Variants in CSMD1 observed in about 807,000 individuals in gnomAD.
CSMD1 encodes CUB and sushi domain-containing protein 1.
CSMD1 carries 213 observed loss-of-function variants against 417.5 expected under a neutral mutation model. That is an observed-to-expected ratio of 0.51 (90% CI 0.46 to 0.57). The LOEUF (loss-of-function observed/expected upper bound fraction) is 0.57. CSMD1 is among the 20% of genes least tolerant of loss of function. CSMD1 has a pLI of 0.00. For missense variants in CSMD1, 6,923 were observed against 4,529.7 expected (o/e 1.53, Z -15.17); for synonymous variants, 2,862 against 1,736.8 (o/e 1.65, Z -16.11).
At chr8:3,651,113 C>G (rs902792470) in intron 7 of CSMD1, among the ~76,000 whole-genome samples, 1 of 152,200 alleles carries the variant, frequency 6.6e-6, no homozygotes, top group Non-Finnish European at 1.5e-5. Context: ...CACCATCTGT[C>G]AGTATCTTGT....
chr8:3,499,341 G>C (rs1037529060), intron 10 of CSMD1, among the ~76,000 whole-genome samples: 5 of 152,220 alleles, frequency 3.3e-5, no homozygotes, highest in East Asian at 1.9e-4. Context: ...AATGCAGATG[G>C]AGACTTTGGG....
At chr8:4,573,518 G>A (rs1336145003) in intron 2 of CSMD1, among the ~76,000 whole-genome samples, 1 of 152,148 alleles carries the variant, frequency 6.6e-6, no homozygotes, top group Non-Finnish European at 1.5e-5. Context: ...GGGCACCTGA[G>A]AGATGCCATC....
intron 1 of CSMD1, among the ~76,000 whole-genome samples, chr8:4,981,672 G>A (rs983273105): frequency 6.6e-6 from 1 of 152,302 alleles, no homozygotes; most frequent in African/African-American, 2.4e-5. Flanking sequence ...CTAGAAGAGT[G>A]TGTGGTGAAC....
chr8:3,409,623 A>T lies in CSMD1; in HGVS notation c.1562-18T>A. On this transcript the variant is annotated intron_variant, in intron 12 of 69. Transcript: ENST00000635120. ...TTCAATTTCTGAAAATGGAAAAACA[A>T]ATGAACCCTTAAAAAAACACACACA... 6.5e-7 allele frequency: 1 copy of T among 1,546,682 alleles called. No individual in the cohort carries two copies.
intron 3 of CSMD1, among the ~76,000 whole-genome samples, chr8:4,091,116 A>G (rs956786590): frequency 6.6e-6 from 1 of 151,922 alleles, no homozygotes; most frequent in Non-Finnish European, 1.5e-5. Context: ...ATGGGGTTTC[A>G]CCATTTTGGC....
chr8:3,611,760 T>G (rs1161652899), intron 8 of CSMD1, among the ~76,000 whole-genome samples: 1 of 152,086 alleles, frequency 6.6e-6, no homozygotes, highest in East Asian at 1.9e-4. Context: ...GTATAAATAT[T>G]TGAAAGAACT....
Position 3,174,377 on chromosome 8 carries a change from C to T in CSMD1, c.5725+6733G>A, listed in dbSNP as rs11987884. On this transcript the variant is annotated intron_variant, in intron 37 of 69. Coordinates refer to ENST00000635120, the MANE Select transcript of CSMD1 (RefSeq NM_033225.6). ...GGGTGTGGTGGCATTTGCCTTCAGT[C>T]CCAGCTACTCCAAAGGCTGAGGTGG... 3.1e-3 allele frequency among the ~76,000 whole-genome samples: 472 copies of T among 152,222 alleles called. 3 individuals carry two copies. The highest frequency in any genetic ancestry group is 9.4e-3 in the African/African-American group (392 of 41,526).
chr8:3,650,849 C>T (rs895427383), intron 7 of CSMD1, among the ~76,000 whole-genome samples: 3 of 152,180 alleles, frequency 2.0e-5, no homozygotes, highest in Non-Finnish European at 2.9e-5. Context: ...CCTGACATCT[C>T]CCCTGTATGT....
intron 1 of CSMD1, among the ~76,000 whole-genome samples, chr8:4,727,954 GTA>G (rs986604068): frequency 1.8e-4 from 12 of 67,322 alleles, no homozygotes; most frequent in Admixed American, 6.9e-4. Flanking sequence ...ATATATATAT[GTA>G]TATATATACA....
At chr8:4,968,038 C>A (rs1809995611) in intron 1 of CSMD1, among the ~76,000 whole-genome samples, 1 of 151,926 alleles carries the variant, frequency 6.6e-6, no homozygotes, top group African/African-American at 2.4e-5. Flanking sequence ...ACAAATAAAC[C>A]AAGCCAGCCA....
chr8:4,089,996 T>C (rs1035127026), intron 3 of CSMD1, among the ~76,000 whole-genome samples: 1 of 152,206 alleles, frequency 6.6e-6, no homozygotes, highest in Non-Finnish European at 1.5e-5. Context: ...GAAACCTACT[T>C]TCTCTACTAG....
At chr8:4,831,149 G>A (rs1337891265) in intron 1 of CSMD1, among the ~76,000 whole-genome samples, 2 of 152,136 alleles carry the variant, frequency 1.3e-5, no homozygotes, top group Non-Finnish European at 2.9e-5. Context: ...TAAATCATCC[G>A]TTATTCAATG....
intron 1 of CSMD1, among the ~76,000 whole-genome samples, chr8:4,928,469 G>C (rs1399301826): frequency 6.6e-6 from 1 of 152,186 alleles, no homozygotes; most frequent in African/African-American, 2.4e-5. Context: ...GGGGCTCAGA[G>C]ATATTTATGA....
At chr8:4,409,674 C>T (rs549094662) in intron 3 of CSMD1, among the ~76,000 whole-genome samples, 1 of 143,460 alleles carries the variant, frequency 7.0e-6, no homozygotes, top group Non-Finnish European at 1.5e-5. Flanking sequence ...ACACATAAAC[C>T]AGATAAAGAG....
chr8:3,508,942 A>C (rs1796949109), intron 10 of CSMD1, among the ~76,000 whole-genome samples: 1 of 152,200 alleles, frequency 6.6e-6, no homozygotes. Context: ...TGAGAACTTA[A>C]AGTCCTCATG....
chr8:3,645,780 C>T (rs1226797388), intron 7 of CSMD1, among the ~76,000 whole-genome samples: 1 of 152,178 alleles, frequency 6.6e-6, no homozygotes, highest in Non-Finnish European at 1.5e-5. Flanking sequence ...GTGAGAAAAA[C>T]AGAAAACATA....
intron 2 of CSMD1, among the ~76,000 whole-genome samples, chr8:4,479,328 A>T (rs1800964503): frequency 6.6e-6 from 1 of 152,170 alleles, no homozygotes; most frequent in African/African-American, 2.4e-5. Context: ...AAGGAATTTT[A>T]TACAGTTGAA....
chr8:4,504,294 G>C (rs997216585), intron 2 of CSMD1, among the ~76,000 whole-genome samples: 5 of 152,160 alleles, frequency 3.3e-5, no homozygotes, highest in Admixed American at 1.3e-4. Flanking sequence ...GCAGAGAAAA[G>C]AATGGAGGTT....
chr8:3,288,540 G>A (rs1381586406), intron 25 of CSMD1, among the ~76,000 whole-genome samples: 1 of 147,284 alleles, frequency 6.8e-6, no homozygotes, highest in Non-Finnish European at 1.5e-5. Context: ...GGATGTATGT[G>A]TCGAAGAATT....
Sources: allele counts gnomAD v4.1 joint callset (sites outside exome capture counted in the v4.1 genomes callset), GRCh38; gene constraint gnomAD v4.1.1; transcripts MANE v1.5; gene names NCBI Gene and HGNC (gene_info 2026-07-23, HGNC 2026-07-21).